STXBP5L: variants seen among roughly 807,000 people sequenced by gnomAD.
The protein encoded by STXBP5L is syntaxin-binding protein 5-like.
Under a neutral mutation model 144.5 loss-of-function variants are expected in STXBP5L, and 65 were observed. That is an observed-to-expected ratio of 0.45 (90% CI 0.37 to 0.55). STXBP5L has a LOEUF of 0.55. Among genes scored for constraint, STXBP5L ranks in the 20% least tolerant of loss-of-function variants. The pLI, the probability that STXBP5L is intolerant of heterozygous loss-of-function variation, is 0.00. For synonymous variants in STXBP5L, 505 were observed against 469.6 expected (o/e 1.08, Z -0.97); for missense variants, 1,298 against 1,405.5 (o/e 0.92, Z 1.22).
At chr3:121,192,338 A>C (rs1230769908) in intron 9 of STXBP5L, among the ~76,000 whole-genome samples, 1 of 152,202 alleles carries the variant, frequency 6.6e-6, no homozygotes, top group East Asian at 1.9e-4. Context: ...AAACAAATGG[A>C]AGAACATTCC....
chr3:121,059,054 A>G (rs1196052383), intron 5 of STXBP5L, among the ~76,000 whole-genome samples: 3 of 152,170 alleles, frequency 2.0e-5, no homozygotes, highest in Non-Finnish European at 2.9e-5. Flanking sequence ...GCCCATGCCT[A>G]TGTCCTGAAC....
chr3:121,310,305 G>T (rs1191134319), intron 19 of STXBP5L, among the ~76,000 whole-genome samples: 2 of 152,216 alleles, frequency 1.3e-5, no homozygotes, highest in African/African-American at 2.4e-5. Flanking sequence ...CTCATCAAAA[G>T]GCACTATTAA....
chr3:120,966,081 G>T (rs1388063294), intron 3 of STXBP5L, among the ~76,000 whole-genome samples: 1 of 152,018 alleles, frequency 6.6e-6, no homozygotes, highest in African/African-American at 2.4e-5. Context: ...AGCTTTTGAA[G>T]CTTGTGCATG....
At chr3:120,999,602 A>G (rs993052813) in intron 3 of STXBP5L, among the ~76,000 whole-genome samples, 1 of 151,636 alleles carries the variant, frequency 6.6e-6, no homozygotes, top group African/African-American at 2.4e-5. Context: ...TGCCAATTTG[A>G]TCCTGTCATT....
intron 5 of STXBP5L, among the ~76,000 whole-genome samples, chr3:121,083,125 G>A (rs1273757252): frequency 1.3e-5 from 2 of 152,080 alleles, no homozygotes; most frequent in Non-Finnish European, 2.9e-5. Context: ...CTTGAACCTG[G>A]GAGGTGGAGG....
chr3:120,990,707 G>C (rs4532065), intron 3 of STXBP5L, among the ~76,000 whole-genome samples: 150,107 of 152,336 alleles, frequency 0.99, 73,963 homozygotes, highest in East Asian at 1. Context: ...TTTGACAAAC[G>C]TGACAAAAAC....
rs567294893 is a variant in STXBP5L, at chr3:120,970,162, A to G, written c.287+15125A>G. On this transcript the variant is annotated intron_variant, in intron 3 of 26. Transcript: ENST00000471454. ...CTGTTTCTTAACCAGTTATTGTAGT[A>G]ATTATTGATTTTAATAGGTTTTTGT... 3.3e-5 allele frequency among the ~76,000 whole-genome samples: 5 copies of G among 152,168 alleles called. 1 individual carries two copies. The South Asian group carries it at 1.0e-3, about 32-fold the overall frequency.
Position 121,067,959 on chromosome 3 carries a change from C to T in STXBP5L, c.470+22424C>T, listed in dbSNP as rs911187869. Among the ~76,000 whole-genome samples, 6 of 152,240 alleles carry T rather than the reference C, an allele frequency of 3.9e-5. No homozygotes were observed. The East Asian group carries it at 1.2e-3, about 29-fold the overall frequency. On this transcript the variant is annotated intron_variant, in intron 5 of 26. Coordinates refer to ENST00000471454, the MANE Select transcript of STXBP5L (RefSeq NM_001308330.2). ...ATTTCCATTATATTATTGTCAATGT[C>T]TTCATAGTCATTTTTAAGCATACAA...
At chr3:120,999,609 C>T (rs1943613383) in intron 3 of STXBP5L, among the ~76,000 whole-genome samples, 1 of 152,004 alleles carries the variant, frequency 6.6e-6, no homozygotes, top group Admixed American at 6.6e-5. Context: ...TTGATCCTGT[C>T]ATTGTGTTGT....
chr3:121,114,950 C>A lies in STXBP5L; in HGVS notation c.496C>A (p.Gln166Lys). Residue 166 changes from glutamine to lysine, a missense_variant, in exon 6 of 27, where the codon CAG becomes AAG. Gln to Lys is a moderately conservative substitution (Grantham distance 53). Coordinates refer to ENST00000471454, the MANE Select transcript of STXBP5L (RefSeq NM_001308330.2). ...ERITYCHLPFQSKWLYVGTER... is the reference protein window; with the variant it reads ...ERITYCHLPFKSKWLYVGTER... ...AATTACTTACTGTCATCTACCTTTC[C>A]AGAGTAAATGGCTTTATGTTGGAAC... 4 of 1,569,382 alleles carry A rather than the reference C, an allele frequency of 2.5e-6. No homozygotes were observed. The highest frequency in any genetic ancestry group is 3.4e-6 in the Non-Finnish European group (4 of 1,160,442).
intron 20 of STXBP5L, among the ~76,000 whole-genome samples, chr3:121,364,406 C>T (rs1184563410): frequency 6.6e-6 from 1 of 151,372 alleles, no homozygotes; most frequent in Non-Finnish European, 1.5e-5. Flanking sequence ...TTATTCTTCT[C>T]TTTCAAAATT....
intron 20 of STXBP5L, among the ~76,000 whole-genome samples, chr3:121,375,501 A>G (rs927075453): frequency 2.2e-4 from 34 of 152,174 alleles, no homozygotes; most frequent in African/African-American, 8.2e-4. Context: ...GATATGAGAA[A>G]ATTTTCTTAC....
At chr3:121,244,268 T>G (rs542028875) in intron 14 of STXBP5L, among the ~76,000 whole-genome samples, 1 of 151,996 alleles carries the variant, frequency 6.6e-6, no homozygotes, top group African/African-American at 2.4e-5. Flanking sequence ...ATAATTGATT[T>G]GAAAAATTCA....
chr3:121,413,203 G>T lies in STXBP5L; in HGVS notation c.2994G>T (p.Leu998=). ...RPMLDVNYLP[L]TDMRIARTFC... ...TGTTGGATGTTAATTATTTGCCACT[G>T]ACAGACATGAGGATAGCACGAACAT... The change falls in exon 24 of 27, where the codon CTG becomes CTT. Residue 998 remains leucine (L), a synonymous_variant. Coordinates refer to ENST00000471454, the MANE Select transcript of STXBP5L (RefSeq NM_001308330.2). 6.2e-7 allele frequency: 1 copy of T among 1,606,330 alleles called. No individual in the cohort carries two copies. Among genetic ancestry groups the T allele is most frequent in the Non-Finnish European group, 8.5e-7 (1 of 1,177,570 alleles).
At chr3:121,082,324 C>G (rs991784695) in intron 5 of STXBP5L, among the ~76,000 whole-genome samples, 1 of 151,906 alleles carries the variant, frequency 6.6e-6, no homozygotes, top group South Asian at 2.1e-4. Context: ...AAATCATGTA[C>G]ATGTCATGTT....
At chr3:121,057,006 T>G (rs1282008982) in intron 5 of STXBP5L, among the ~76,000 whole-genome samples, 1 of 150,616 alleles carries the variant, frequency 6.6e-6, no homozygotes, top group Non-Finnish European at 1.5e-5. Flanking sequence ...TATATTTTAT[T>G]ACACACAATA....
At chr3:121,277,476 G>C (rs552373665) in intron 18 of STXBP5L, among the ~76,000 whole-genome samples, 22 of 151,848 alleles carry the variant, frequency 1.4e-4, no homozygotes, top group African/African-American at 5.3e-4. Context: ...TATCTCTAAG[G>C]CTTTTTTATG....
intron 20 of STXBP5L, among the ~76,000 whole-genome samples, chr3:121,345,470 C>T (rs888233522): frequency 2.0e-5 from 3 of 152,164 alleles, no homozygotes; most frequent in East Asian, 1.9e-4. Flanking sequence ...AATAAACATA[C>T]GTGTGCATAT....
intron 8 of STXBP5L, among the ~76,000 whole-genome samples, chr3:121,156,047 G>A (rs1367401148): frequency 1.3e-5 from 2 of 151,868 alleles, no homozygotes; most frequent in African/African-American, 4.8e-5. Context: ...GAAATAAGCA[G>A]AGGAGAAGAG....
Sources: gnomAD v4.1 joint callset for allele counts (sites outside exome capture counted in the v4.1 genomes callset) on GRCh38, gnomAD v4.1.1 for gene constraint, MANE v1.5 for transcripts, NCBI Gene and HGNC (gene_info 2026-07-23, HGNC 2026-07-21) for gene names.